The following PMP22 variants were observed in gnomAD, a reference collection of about 807,000 sequenced individuals.
The protein encoded by PMP22 is peripheral myelin protein 22.
In PMP22, 2 loss-of-function variants were observed where a neutral mutation model predicts 18.9. That is an observed-to-expected ratio of 0.11 (90% CI 0.04 to 0.33). The LOEUF (loss-of-function observed/expected upper bound fraction) is 0.33, where lower values mean the gene tolerates loss of function less well. PMP22 is among the 10% of genes least tolerant of loss of function. The pLI is 1.00. For synonymous variants in PMP22, 95 were observed against 89.2 expected (o/e 1.07, Z -0.37); for missense variants, 169 against 202.2 (o/e 0.84, Z 1.00).
At chr17:15,233,946 A>C (rs1294340514) in intron 4 of PMP22, among the ~76,000 whole-genome samples, 2 of 152,190 alleles carry the variant, frequency 1.3e-5, no homozygotes, top group Non-Finnish European at 2.9e-5. Context: ...TGTGATGAGA[A>C]GCCTCTGAGG....
At chr17:15,260,419 T>C in intron 2 of PMP22, 2 of 597,482 alleles carry the variant, frequency 3.3e-6, no homozygotes, top group South Asian at 1.9e-5. Flanking sequence ...TTGGCTTAAA[T>C]AGAGACCTGC....
intron 4 of PMP22, among the ~76,000 whole-genome samples, chr17:15,238,529 T>C (rs1284983197): frequency 1.3e-5 from 2 of 152,224 alleles, no homozygotes; most frequent in Non-Finnish European, 2.9e-5. Context: ...AAGTTTGTGA[T>C]CTATGAATTT....
intron 3 of PMP22, among the ~76,000 whole-genome samples, chr17:15,240,673 G>A (rs893781850): frequency 6.6e-6 from 1 of 152,098 alleles, no homozygotes; most frequent in Admixed American, 6.6e-5. Flanking sequence ...GGGAAGCCCA[G>A]GGTAAAAATC....
chr17:15,245,289 C>A (rs544988147), intron 3 of PMP22, among the ~76,000 whole-genome samples: 1 of 152,270 alleles, frequency 6.6e-6, no homozygotes, highest in Admixed American at 6.5e-5. Context: ...TAACAACCAG[C>A]GCAGTAAGAG....
chr17:15,247,041 G>T lies in PMP22; in HGVS notation c.179-7430C>A, dbSNP rs1448659345. Among the ~76,000 whole-genome samples, 5 of 121,784 alleles carry T rather than the reference G, an allele frequency of 4.1e-5. 1 individual carries two copies. The allele number at this position is 121,784 out of a possible 152,430, so 79.9% of individuals were successfully genotyped here. ...GCCGAGATCACACCACTGCACTCCA[G>T]CCTGGAAACAGAGCAAGACTCGTCT... On this transcript the variant is annotated intron_variant, in intron 3 of 4. Coordinates refer to ENST00000312280, the MANE Select transcript of PMP22 (RefSeq NM_000304.4).
intron 1 of PMP22, 132 bp from the exon 2 acceptor site, chr17:15,260,893 G>T (rs1279568016): frequency 4.0e-6 from 2 of 503,682 alleles, no homozygotes; most frequent in Non-Finnish European, 6.6e-6. Context: ...CGCCCGCGCG[G>T]GTCAGGAGCC....
intron 3 of PMP22, among the ~76,000 whole-genome samples, chr17:15,256,786 A>AT (rs1164509166): frequency 1.3e-5 from 2 of 152,104 alleles, no homozygotes; most frequent in Non-Finnish European, 2.9e-5. Flanking sequence ...AAAAGTACAC[A>AT]TTTTTTTCAG....
intron 2 of PMP22, 44 bp from the exon 3 acceptor site, chr17:15,259,237 G>A (rs767138821): frequency 6.8e-7 from 1 of 1,473,854 alleles, no homozygotes; most frequent in Non-Finnish European, 9.5e-7. Flanking sequence ...GAGGGAGGGA[G>A]GAGTGAAGGA....
chr17:15,261,520 G>T lies in PMP22; in HGVS notation c.-34-759C>A, dbSNP rs988214237. The T allele has an allele frequency of 6.6e-6, 1 of 152,504 alleles. No individual in the cohort carries two copies. The highest frequency in any genetic ancestry group is 2.1e-4 in the South Asian group (1 of 4,824). 9.4% of individuals were successfully genotyped at this position (152,504 alleles called of 1,614,324 possible). A position where few individuals can be genotyped will look rare whatever the true frequency, so the allele number is the denominator to read the frequency against. On this transcript the variant is annotated intron_variant, in intron 1 of 4. Transcript: ENST00000312280. The surrounding 1 kb of genome is among the most constrained non-coding windows in gnomAD (Gnocchi z 5.2). Reference sequence around the variant, plus strand: ...TTCCCCAGGCAGCCCCTGGGGTCAGGGGGCATTCTGCTCTTGCGCTAGACC... The same window carrying T: ...TTCCCCAGGCAGCCCCTGGGGTCAGTGGGCATTCTGCTCTTGCGCTAGACC...
chr17:15,257,196 A>T (rs1442595345), intron 3 of PMP22, among the ~76,000 whole-genome samples: 1 of 152,234 alleles, frequency 6.6e-6, no homozygotes, highest in Non-Finnish European at 1.5e-5. Flanking sequence ...TGATTAAAAT[A>T]ACCCTAGTGC....
Position 15,258,371 on chromosome 17 carries a change from C to A in PMP22, c.178+723G>T, listed in dbSNP as rs1909016753. 6.6e-6 allele frequency among the ~76,000 whole-genome samples: 1 copy of A among 152,160 alleles called. No individual in the cohort carries two copies. The highest frequency in any genetic ancestry group is 6.5e-5 in the Admixed American group (1 of 15,282). ...AGGGCTCCTGGCTGGGTGTTCCTTT[C>A]CCTCTGGGTGCCTTGGGTACCTAGT... On this transcript the variant is annotated intron_variant, in intron 3 of 4. Coordinates refer to ENST00000312280, the MANE Select transcript of PMP22 (RefSeq NM_000304.4). The surrounding 1 kb of genome is among the most constrained non-coding windows in gnomAD (Gnocchi z 4.1).
intron 3 of PMP22, among the ~76,000 whole-genome samples, chr17:15,248,980 T>C (rs1358452765): frequency 1.3e-5 from 2 of 152,190 alleles, no homozygotes; most frequent in East Asian, 1.9e-4. Flanking sequence ...CGCTTAGTTT[T>C]AAGATCTTCA....
At chr17:15,237,353 G>A (rs572575815) in intron 4 of PMP22, among the ~76,000 whole-genome samples, 22 of 152,258 alleles carry the variant, frequency 1.4e-4, no homozygotes, top group African/African-American at 4.3e-4. Flanking sequence ...ACTTAAAGCC[G>A]AAACAGCTCA....
At chr17:15,253,361 A>T (rs1184310584) in intron 3 of PMP22, among the ~76,000 whole-genome samples, 1 of 152,212 alleles carries the variant, frequency 6.6e-6, no homozygotes, top group African/African-American at 2.4e-5. Context: ...AATGAGGAAA[A>T]CAGGTAAGGC....
At chr17:15,231,261 A>G (rs752194839) in intron 4 of PMP22, among the ~76,000 whole-genome samples, 181 bp from the exon 5 acceptor site, 1 of 152,204 alleles carries the variant, frequency 6.6e-6, no homozygotes, top group Non-Finnish European at 1.5e-5. Flanking sequence ...AAGGAAAACA[A>G]CTTGCTCTCT....
Position 15,239,552 on chromosome 17 carries a change from G to C in PMP22, c.238C>G (p.Leu80Val), listed in dbSNP as rs773201903. The C allele has an allele frequency of 3.7e-6, 6 of 1,613,896 alleles. No homozygotes were observed. In the African/African-American group the frequency reaches 8.0e-5, roughly 22 times the overall value. Residue 80 changes from leucine (L) to valine (V), a missense_variant, in exon 4 of 5, where the codon CTG becomes GTG. Coordinates refer to ENST00000312280, the MANE Select transcript of PMP22 (RefSeq NM_000304.4). ...ILSIIFSILS[L>V]FLFFCQLFTL... ...AAGAGTTGGCAGAAGAACAGGAACA[G>C]AGACAGAATGCTGAAGATGATCGAC...
chr17:15,263,298 G>A lies in PMP22; in HGVS notation c.-35+1856C>T, dbSNP rs568077279. Among the ~76,000 whole-genome samples, 112 of 152,304 alleles carry A rather than the reference G, an allele frequency of 7.4e-4. 1 individual carries two copies. The highest frequency in any genetic ancestry group is 2.5e-3 in the African/African-American group (102 of 41,566). ...GTTCCTGCAGCAGTCGGGCTTGGCT[G>A]TCAGCCTTGGCTGGAGTCCTGGCCA... is the stretch of plus-strand genomic sequence containing the variant. On this transcript the variant is annotated intron_variant, in intron 1 of 4. Transcript: ENST00000312280.
At chr17:15,237,734 T>C (rs527423410) in intron 4 of PMP22, among the ~76,000 whole-genome samples, 1 of 152,312 alleles carries the variant, frequency 6.6e-6, no homozygotes, top group South Asian at 2.1e-4. Context: ...GGGCTCAAAT[T>C]ATTCATCAGT....
chr17:15,250,001 C>T (rs2150693294), intron 3 of PMP22, among the ~76,000 whole-genome samples: 1 of 152,218 alleles, frequency 6.6e-6, no homozygotes, highest in African/African-American at 2.4e-5. Context: ...CTGCAAGCTC[C>T]GCCTCCCGGG....
Sources: gnomAD v4.1 joint callset for allele counts (sites outside exome capture counted in the v4.1 genomes callset) on GRCh38, gnomAD v4.1.1 for gene constraint, Gnocchi (gnomAD v3.1) non-coding constraint, MANE v1.5 for transcripts, NCBI Gene and HGNC (gene_info 2026-07-23, HGNC 2026-07-21) for gene names.